Variants in SLC9A8 observed in about 807,000 individuals in gnomAD.
SLC9A8 encodes solute carrier family 9 member A8.
In SLC9A8, 48 loss-of-function variants were observed where a neutral mutation model predicts 66.6. That is an observed-to-expected ratio of 0.72 (90% CI 0.57 to 0.92). The LOEUF (loss-of-function observed/expected upper bound fraction) is 0.92, where lower values mean the gene tolerates loss of function less well. Ranked by LOEUF, SLC9A8 falls within the 40% of genes least tolerant of loss-of-function variation. SLC9A8 has a pLI of 0.00. For missense variants in SLC9A8, 599 were observed against 747.3 expected, an observed-to-expected ratio of 0.80 and a Z score of 2.31; for synonymous variants, 274 against 282.6, an observed-to-expected ratio of 0.97 and a Z score of 0.31.
chr20:49,856,274 G>T (rs369379123), intron 8 of SLC9A8, among the ~76,000 whole-genome samples: 1 of 152,134 alleles, frequency 6.6e-6, no homozygotes. Flanking sequence ...ATGATGAAGC[G>T]GCCTGTTCAG....
intron 2 of SLC9A8, 21 bp from the exon 3 acceptor site, chr20:49,823,040 G>T: frequency 1.3e-6 from 2 of 1,584,620 alleles, no homozygotes; most frequent in Non-Finnish European, 1.7e-6. Flanking sequence ...TTAAAACATT[G>T]TATTATTTTT....
intron 5 of SLC9A8, among the ~76,000 whole-genome samples, chr20:49,847,971 ACGAACTCGGCTCACTG>A (rs1440769512): frequency 2.8e-4 from 35 of 126,068 alleles, no homozygotes; most frequent in Admixed American, 2.2e-3. Context: ...GTGCAATGGC[ACGAACTCGGCTCACTG>A]CGAACTCGGC....
At chr20:49,842,544 C>T (rs2087810456) in intron 4 of SLC9A8, among the ~76,000 whole-genome samples, 1 of 152,140 alleles carries the variant, frequency 6.6e-6, no homozygotes, top group Non-Finnish European at 1.5e-5. Context: ...GTATTGCCAT[C>T]CTAAGGTGTC....
rs776874639 is a variant in SLC9A8, at chr20:49,812,967, G to GGGCGGCGGA, written c.26+28_26+36dup. On this transcript the variant is annotated intron_variant, in intron 1 of 15. Coordinates refer to ENST00000361573, the MANE Select transcript of SLC9A8 (RefSeq NM_015266.3). ...AAGAGGAGTGAGTGGGCTTTTTCCCGGGCGGCGGAGGCGGCGGGGCTGGGC... is the reference window on the plus strand; with the variant it reads ...AAGAGGAGTGAGTGGGCTTTTTCCCGGGCGGCGGAGGCGGCGGAGGCGGCGGGGCTGGGC... 980 of 1,397,618 alleles carry GGGCGGCGGA rather than the reference G, an allele frequency of 7.0e-4. 2 individuals are homozygous for GGGCGGCGGA. The highest frequency in any genetic ancestry group is 1.0e-3 in the Middle Eastern group (5 of 4,928). 86.6% of individuals were successfully genotyped at this position (1,397,618 alleles called of 1,614,324 possible).
In SLC9A8 at chr20:49,864,654, T is replaced by C. The variant is rs189868216; in HGVS notation, c.853-85T>C. 6.9e-6 allele frequency: 6 copies of C among 868,806 alleles called. No individual in the cohort carries two copies. In the Admixed American group the frequency reaches 8.9e-5, roughly 13 times the overall value. 53.8% of individuals were successfully genotyped at this position (868,806 alleles called of 1,614,324 possible). ...ATCTATATCTGTTGTTTACTTCATA[T>C]ATTTGGAAAGCAGCAGTTTTGTGAC... is the stretch of plus-strand genomic sequence containing the variant. On this transcript the variant is annotated intron_variant, in intron 9 of 15. Coordinates refer to ENST00000361573, the MANE Select transcript of SLC9A8 (RefSeq NM_015266.3).
intron 14 of SLC9A8, chr20:49,884,289 G>GCGCGCGCACACACACACACACAC (rs1255789032): frequency 2.7e-5 from 1 of 36,862 alleles, no homozygotes; most frequent in African/African-American, 2.2e-4. Context: ...ACACACACAC[G>GCGCGCGCACACACACACACACAC]ACACACACAC....
At chr20:49,857,963 A>C (rs367918347) in intron 8 of SLC9A8, among the ~76,000 whole-genome samples, 121 of 152,338 alleles carry the variant, frequency 7.9e-4, no homozygotes, top group African/African-American at 2.7e-3. Context: ...AATGTAGTAC[A>C]TATATTCTTA....
rs6020108 is a variant in SLC9A8, at chr20:49,888,247, A to T, written c.*311A>T. On this transcript the variant is annotated 3_prime_UTR_variant, in exon 16 of 16. Coordinates refer to ENST00000361573, the MANE Select transcript of SLC9A8 (RefSeq NM_015266.3). Reference sequence around the variant, plus strand: ...AGTCATCTGTGAAGCTAGGGCGCCTACCCCCCCACCCGGAGGACCCCTGCG... The same window carrying T: ...AGTCATCTGTGAAGCTAGGGCGCCTTCCCCCCCACCCGGAGGACCCCTGCG... The T allele has an allele frequency of 1.2e-3, 354 of 302,178 alleles. 6 individuals are homozygous for T. Among genetic ancestry groups the T allele is most frequent in the African/African-American group, 7.4e-3 (325 of 44,082 alleles). The allele number at this position is 302,178 out of a possible 1,614,324, so 18.7% of individuals were successfully genotyped here. A position where few individuals can be genotyped will look rare whatever the true frequency, so the allele number is the denominator to read the frequency against.
chr20:49,884,324 ACACACACACACACC>A (rs1309743952), intron 14 of SLC9A8, among the ~76,000 whole-genome samples: 9 of 144,956 alleles, frequency 6.2e-5, no homozygotes, highest in Admixed American at 1.4e-4. Flanking sequence ...ACACACACAC[ACACACACACACACC>A]CCCCGGTCAT....
chr20:49,812,833 C>A lies in SLC9A8; in HGVS notation c.-90C>A. The A allele has an allele frequency of 6.9e-7, 1 of 1,443,124 alleles. No individual in the cohort carries two copies. Among genetic ancestry groups the A allele is most frequent in the Non-Finnish European group, 9.2e-7 (1 of 1,087,684 alleles). 89.4% of individuals were successfully genotyped at this position (1,443,124 alleles called of 1,614,324 possible). The stretch of plus-strand genomic sequence containing the variant: ...CGGCCGAGGCCCCGCCTCCCGCTCG[C>A]CCGCCCGCGCCTCCAGCGGAAGCCG... On this transcript the variant is annotated 5_prime_UTR_variant, in exon 1 of 16. Coordinates refer to ENST00000361573, the MANE Select transcript of SLC9A8 (RefSeq NM_015266.3).
chr20:49,859,287 C>T (rs909412883), intron 8 of SLC9A8, among the ~76,000 whole-genome samples: 1 of 152,194 alleles, frequency 6.6e-6, no homozygotes, highest in African/African-American at 2.4e-5. Flanking sequence ...ACAGTCGGTC[C>T]ATGATGGGCA....
intron 3 of SLC9A8, chr20:49,830,544 G>A: frequency 3.1e-6 from 2 of 651,192 alleles, no homozygotes; most frequent in Non-Finnish European, 2.7e-6. Flanking sequence ...GCTGGCCTGG[G>A]TGATTGCGTC....
At chr20:49,847,907 GTTTTTTTTT>G (rs3091810) in intron 5 of SLC9A8, among the ~76,000 whole-genome samples, 1 of 115,216 alleles carries the variant, frequency 8.7e-6, no homozygotes, top group Admixed American at 1.0e-4. Flanking sequence ...TGATTAATCT[GTTTTTTTTT>G]TTTTTTTTTT....
chr20:49,819,332 T>TA (rs1186987157), intron 2 of SLC9A8, among the ~76,000 whole-genome samples: 1 of 152,212 alleles, frequency 6.6e-6, no homozygotes, highest in Non-Finnish European at 1.5e-5. Context: ...TCTTGCTCGG[T>TA]TTTTTTCCAA....
chr20:49,885,307 G>T (rs1047676310), intron 14 of SLC9A8, among the ~76,000 whole-genome samples: 11 of 152,160 alleles, frequency 7.2e-5, no homozygotes, highest in African/African-American at 2.4e-4. Flanking sequence ...TATGGTATGG[G>T]GTCCGAAAGA....
At chr20:49,867,501 T>G (rs532037052) in intron 10 of SLC9A8, among the ~76,000 whole-genome samples, 1 of 152,336 alleles carries the variant, frequency 6.6e-6, no homozygotes, top group South Asian at 2.1e-4. Flanking sequence ...TTAATGGTTC[T>G]TTCCCCAGCT....
At chr20:49,817,626 C>T (rs899208825) in intron 2 of SLC9A8, among the ~76,000 whole-genome samples, 14 of 151,882 alleles carry the variant, frequency 9.2e-5, no homozygotes, top group African/African-American at 3.1e-4. Context: ...GACTCTGTCT[C>T]CACAAAAAAT....
rs367606497 is a variant in SLC9A8 at position 49,839,606 on chromosome 20, T to G, written c.348+7T>G. The G allele has an allele frequency of 4.1e-5, 66 of 1,594,964 alleles. No individual in the cohort carries two copies. Among genetic ancestry groups the G allele is most frequent in the Non-Finnish European group, 5.3e-5 (62 of 1,165,092 alleles). ...AAAACTGGCGAATTGGAAGGTAGGT[T>G]TGCCCTTTGGTTGTTCTTAATTTTA... On this transcript the variant is annotated splice_region_variant and intron_variant, in intron 4 of 15. Transcript: ENST00000361573.
At chr20:49,879,523 G>T (rs986816107) in intron 12 of SLC9A8, among the ~76,000 whole-genome samples, 2 of 152,202 alleles carry the variant, frequency 1.3e-5, no homozygotes. Context: ...AATGTTTGAT[G>T]ATTGGAAACA....
Sources: allele counts gnomAD v4.1 joint callset (sites outside exome capture counted in the v4.1 genomes callset), GRCh38; gene constraint gnomAD v4.1.1; transcripts MANE v1.5; gene names NCBI Gene and HGNC (gene_info 2026-07-23, HGNC 2026-07-21).